COX7B2: variants seen among roughly 807,000 people sequenced by gnomAD.
The protein encoded by COX7B2 is cytochrome c oxidase subunit 7B2, also known as cytochrome c oxidase subunit 7B2, mitochondrial.
For synonymous variants in COX7B2, 37 were observed against 32.1 expected (o/e 1.15, Z -0.51); for missense variants, 109 against 95.9 (o/e 1.14, Z -0.57).
At chr4:46,907,615 T>A (rs1249254070) in intron 1 of COX7B2, among the ~76,000 whole-genome samples, 2 of 151,952 alleles carry the variant, frequency 1.3e-5, no homozygotes, top group Non-Finnish European at 2.9e-5. Flanking sequence ...TAATTTGATA[T>A]CCATATGCAC....
At chr4:46,843,784 A>C (rs1263347782) in intron 2 of COX7B2, among the ~76,000 whole-genome samples, 2 of 152,020 alleles carry the variant, frequency 1.3e-5, no homozygotes, top group African/African-American at 4.8e-5. Context: ...ATTATCAAAT[A>C]TACAGAAATG....
chr4:46,878,657 C>A (rs1718504968), intron 1 of COX7B2, among the ~76,000 whole-genome samples: 1 of 152,112 alleles, frequency 6.6e-6, no homozygotes, highest in African/African-American at 2.4e-5. Context: ...TGTAAAGTGT[C>A]AGGAACCACT....
At chr4:46,899,382 C>T (rs1243239910) in intron 1 of COX7B2, among the ~76,000 whole-genome samples, 1 of 152,174 alleles carries the variant, frequency 6.6e-6, no homozygotes, top group East Asian at 1.9e-4. Context: ...AAGAAATCAT[C>T]TCCTAACTAG....
intron 1 of COX7B2, among the ~76,000 whole-genome samples, chr4:46,851,060 G>A (rs1716645828): frequency 6.6e-6 from 1 of 152,028 alleles, no homozygotes; most frequent in African/African-American, 2.4e-5. Flanking sequence ...AAGTTACCGG[G>A]GAACAAAGGC....
At chr4:46,803,946 A>C (rs1718814781) in intron 2 of COX7B2, among the ~76,000 whole-genome samples, 1 of 152,112 alleles carries the variant, frequency 6.6e-6, no homozygotes, top group Non-Finnish European at 1.5e-5. Flanking sequence ...TGTTGGTCTC[A>C]CTGACTTCAA....
At chr4:46,787,940 A>T (rs56126190) in intron 2 of COX7B2, among the ~76,000 whole-genome samples, 5,100 of 152,200 alleles carry the variant, frequency 0.034, 217 homozygotes, top group African/African-American at 0.1. Context: ...CAATTTATCT[A>T]GGATAGCTTG....
rs113416519 is a variant in COX7B2 at position 46,782,254 on chromosome 4, G to A, written c.-49-47013C>T. 2.5e-3 allele frequency among the ~76,000 whole-genome samples: 386 copies of A among 152,168 alleles called. 2 individuals carry two copies. The highest frequency in any genetic ancestry group is 8.8e-3 in the African/African-American group (365 of 41,516). ...CTCTGTATGTAGCTAATCTGGTGGG[G>A]ACTTGGAGAACTTTTATGTCTAGCC... On this transcript the variant is annotated intron_variant, in intron 2 of 2. Transcript: ENST00000355591.
intron 2 of COX7B2, among the ~76,000 whole-genome samples, chr4:46,838,711 T>A (rs761894861): frequency 7.9e-5 from 12 of 152,046 alleles, no homozygotes; most frequent in Non-Finnish European, 1.2e-4. Context: ...CCTAGATCAT[T>A]GGCAGCTTTC....
intron 2 of COX7B2, among the ~76,000 whole-genome samples, chr4:46,750,824 G>T (rs530815035): frequency 3.3e-5 from 5 of 152,166 alleles, no homozygotes; most frequent in Non-Finnish European, 7.3e-5. Flanking sequence ...ATAGTGGAAA[G>T]AAAGCTCATT....
chr4:46,806,355 T>TA (rs554415046), intron 2 of COX7B2, among the ~76,000 whole-genome samples: 185 of 148,586 alleles, frequency 1.2e-3, no homozygotes, highest in African/African-American at 3.7e-3. Context: ...AAAAATAAAG[T>TA]AAAAAAAAAA....
At chr4:46,844,292 AG>A (rs1181331341) in intron 2 of COX7B2, among the ~76,000 whole-genome samples, 1 of 151,990 alleles carries the variant, frequency 6.6e-6, no homozygotes, top group Admixed American at 6.6e-5. Context: ...GAGGAAGTTT[AG>A]GAATTAAATA....
chr4:46,845,438 C>A (rs1378734572), intron 1 of COX7B2, among the ~76,000 whole-genome samples: 1 of 151,908 alleles, frequency 6.6e-6, no homozygotes, highest in Non-Finnish European at 1.5e-5. Context: ...AAATGGACTT[C>A]TCTAATGTTT....
chr4:46,883,383 T>G (rs1396618955), intron 1 of COX7B2, among the ~76,000 whole-genome samples: 1 of 151,660 alleles, frequency 6.6e-6, no homozygotes, highest in African/African-American at 2.4e-5. Context: ...CTTTCTGTAT[T>G]TTTTTTTAAT....
chr4:46,909,105 A>G (rs1307595875), intron 1 of COX7B2, 55 bp downstream of exon 1: 1 of 152,128 alleles, frequency 6.6e-6, no homozygotes, highest in East Asian at 1.9e-4. Flanking sequence ...AATGAAGACC[A>G]TGTCTTATAA....
intron 2 of COX7B2, among the ~76,000 whole-genome samples, chr4:46,840,799 C>T (rs561484537): frequency 1.3e-5 from 2 of 152,048 alleles, no homozygotes; most frequent in South Asian, 4.1e-4. Context: ...CCTTTAGTGG[C>T]CCACTGAAGA....
chr4:46,820,581 G>A (rs1014658988), intron 2 of COX7B2, among the ~76,000 whole-genome samples: 3 of 151,916 alleles, frequency 2.0e-5, no homozygotes, highest in African/African-American at 4.8e-5. Flanking sequence ...TAATCCCAGC[G>A]CTTTGGGAGG....
chr4:46,768,315 G>A (rs142855890), intron 2 of COX7B2, among the ~76,000 whole-genome samples: 118 of 152,238 alleles, frequency 7.8e-4, no homozygotes, highest in Middle Eastern at 3.4e-3. Context: ...GAGTTCAGCC[G>A]TCCCCACGCA....
intron 2 of COX7B2, among the ~76,000 whole-genome samples, chr4:46,812,293 A>G (rs1719323221): frequency 6.6e-6 from 1 of 152,012 alleles, no homozygotes. Flanking sequence ...GGCACATCCC[A>G]GTAGCTTTGT....
intron 2 of COX7B2, among the ~76,000 whole-genome samples, chr4:46,797,578 C>G (rs1215221222): frequency 2.6e-5 from 4 of 152,132 alleles, no homozygotes; most frequent in Non-Finnish European, 5.9e-5. Context: ...TTCCCTCTGC[C>G]TAGGAAAATA....
Sources: allele counts gnomAD v4.1 joint callset (sites outside exome capture counted in the v4.1 genomes callset), GRCh38; gene constraint gnomAD v4.1.1; transcripts MANE v1.5; gene names NCBI Gene and HGNC (gene_info 2026-07-23, HGNC 2026-07-21).